Variants in PID1 observed in about 807,000 individuals in gnomAD.
The protein encoded by PID1 is PTB-containing, cubilin and LRP1-interacting protein.
In PID1, 10 loss-of-function variants were observed where a neutral mutation model predicts 19.1. That is an observed-to-expected ratio of 0.52 (90% CI 0.32 to 0.89). PID1 has a LOEUF of 0.89. PID1 is among the 40% of genes least tolerant of loss of function. The pLI is 0.03. For synonymous variants in PID1, 130 were observed against 116.0 expected (o/e 1.12, Z -0.78); for missense variants, 248 against 285.3 (o/e 0.87, Z 0.94).
rs537463986 is a variant in PID1, at chr2:229,231,100, C to T, written c.30+39914G>A. Among the ~76,000 whole-genome samples the T allele has an allele frequency of 1.2e-4, 18 of 152,232 alleles. No homozygotes were observed. The South Asian group carries it at 3.3e-3, about 28-fold the overall frequency. On this transcript the variant is annotated intron_variant, in intron 1 of 2. Coordinates refer to ENST00000392055, the MANE Select transcript of PID1 (RefSeq NM_001100818.2). ...GCCAGTGTCCCAGCTGAAGCCTAACCGCCCAGGGCCAGGAACAGTGGCCAA... is the reference window on the plus strand; with the variant it reads ...GCCAGTGTCCCAGCTGAAGCCTAACTGCCCAGGGCCAGGAACAGTGGCCAA...
intron 2 of PID1, among the ~76,000 whole-genome samples, chr2:229,036,391 AGAGT>A (rs1353481225): frequency 3.3e-5 from 5 of 152,164 alleles, no homozygotes; most frequent in Admixed American, 3.3e-4. Flanking sequence ...ATTTGTTCCC[AGAGT>A]GAGTCTCTGA....
intron 1 of PID1, among the ~76,000 whole-genome samples, chr2:229,238,971 T>C (rs17255845): frequency 0.14 from 21,505 of 152,126 alleles, 1,707 homozygotes; most frequent in South Asian, 0.18. Flanking sequence ...TTAAAATACA[T>C]CACTTAATTT....
chr2:229,201,859 A>G (rs2106241230), intron 1 of PID1, among the ~76,000 whole-genome samples: 1 of 151,840 alleles, frequency 6.6e-6, no homozygotes, highest in South Asian at 2.1e-4. Flanking sequence ...TTTTATTCGC[A>G]TTTTCCTTAT....
intron 2 of PID1, among the ~76,000 whole-genome samples, chr2:229,046,092 C>T (rs944577599): frequency 9.9e-5 from 15 of 152,142 alleles, no homozygotes; most frequent in African/African-American, 3.6e-4. Flanking sequence ...CAGCGTCTCA[C>T]ATATTCCATC....
chr2:229,169,393 CTTTT>C (rs1406938365), intron 1 of PID1, among the ~76,000 whole-genome samples: 1 of 151,978 alleles, frequency 6.6e-6, no homozygotes, highest in Non-Finnish European at 1.5e-5. Flanking sequence ...CTACATTTTT[CTTTT>C]TTAAGTTTTT....
chr2:229,174,637 T>C (rs1474311544), intron 1 of PID1, among the ~76,000 whole-genome samples: 1 of 151,196 alleles, frequency 6.6e-6, no homozygotes, highest in Non-Finnish European at 1.5e-5. Flanking sequence ...ATATACTGTG[T>C]ACCTATTTAT....
At chr2:229,174,044 C>T (rs1690763447) in intron 1 of PID1, among the ~76,000 whole-genome samples, 1 of 152,174 alleles carries the variant, frequency 6.6e-6, no homozygotes. Context: ...TCCCTGACCT[C>T]CATCAGTGTT....
intron 2 of PID1, among the ~76,000 whole-genome samples, chr2:229,047,530 A>G (rs1693908987): frequency 6.6e-6 from 1 of 152,228 alleles, no homozygotes; most frequent in South Asian, 2.1e-4. Flanking sequence ...ATTATAATGA[A>G]TTTATAGGAC....
At chr2:229,042,715 T>C (rs1297996471) in intron 2 of PID1, among the ~76,000 whole-genome samples, 3 of 152,194 alleles carry the variant, frequency 2.0e-5, no homozygotes, top group Admixed American at 1.3e-4. Flanking sequence ...CTTTACAAAA[T>C]AGAACCCAAT....
intron 1 of PID1, among the ~76,000 whole-genome samples, chr2:229,198,313 A>G (rs1472457244): frequency 6.6e-6 from 1 of 152,028 alleles, no homozygotes; most frequent in African/African-American, 2.4e-5. Flanking sequence ...TCTGTTCTCA[A>G]CATCTACCCT....
chr2:229,104,758 T>C (rs1283584976), intron 2 of PID1, among the ~76,000 whole-genome samples: 1 of 152,226 alleles, frequency 6.6e-6, no homozygotes, highest in Non-Finnish European at 1.5e-5. Flanking sequence ...CTGACTTTCT[T>C]ACCTATGAAA....
chr2:229,034,755 GTA>G (rs143619216), intron 2 of PID1, among the ~76,000 whole-genome samples: 73 of 148,226 alleles, frequency 4.9e-4, no homozygotes, highest in Admixed American at 5.4e-4. Flanking sequence ...CCTTTATTGT[GTA>G]TATATATATA....
At chr2:229,214,214 A>T (rs1453731513) in intron 1 of PID1, among the ~76,000 whole-genome samples, 1 of 152,210 alleles carries the variant, frequency 6.6e-6, no homozygotes, top group African/African-American at 2.4e-5. Flanking sequence ...AGGCTGAGAA[A>T]GTAGCTTGCC....
rs150075431 is a variant in PID1 at position 229,123,337 on chromosome 2, G to T, written c.177+32481C>A. On this transcript the variant is annotated intron_variant, in intron 2 of 2. Coordinates refer to ENST00000392055, the MANE Select transcript of PID1 (RefSeq NM_001100818.2). Reference sequence around the variant, plus strand: ...GATGTTTTCAAGGTTCATCTATGTTGTGACCTGGATCCACGCTTCATTTCT... The same window carrying T: ...GATGTTTTCAAGGTTCATCTATGTTTTGACCTGGATCCACGCTTCATTTCT... Among the ~76,000 whole-genome samples the T allele has an allele frequency of 9.8e-5, 15 of 152,304 alleles. No homozygotes were observed. The East Asian group carries it at 2.9e-3, about 29-fold the overall frequency.
At chr2:229,056,860 T>C (rs1214604976) in intron 2 of PID1, among the ~76,000 whole-genome samples, 3 of 152,134 alleles carry the variant, frequency 2.0e-5, no homozygotes, top group Admixed American at 6.5e-5. Flanking sequence ...TGATTTTTCA[T>C]GCCCTGAGGT....
intron 2 of PID1, among the ~76,000 whole-genome samples, chr2:229,072,431 T>C (rs1458154648): frequency 6.6e-6 from 1 of 151,994 alleles, no homozygotes; most frequent in African/African-American, 2.4e-5. Flanking sequence ...TACTAAAAGA[T>C]ACAAAAATTA....
chr2:229,189,123 C>CA (rs1574706657), intron 1 of PID1, among the ~76,000 whole-genome samples: 1 of 152,210 alleles, frequency 6.6e-6, no homozygotes, highest in East Asian at 1.9e-4. Context: ...CCGTCATACA[C>CA]AGCAGCTGGG....
chr2:229,156,689 A>G (rs998297414), intron 1 of PID1, among the ~76,000 whole-genome samples: 1 of 152,070 alleles, frequency 6.6e-6, no homozygotes, highest in Non-Finnish European at 1.5e-5. Flanking sequence ...CCCCACCGTC[A>G]CCAGAGAGAT....
intron 1 of PID1, among the ~76,000 whole-genome samples, chr2:229,199,181 C>A (rs539334969): frequency 6.6e-6 from 1 of 152,140 alleles, no homozygotes; most frequent in African/African-American, 2.4e-5. Flanking sequence ...TATCATCATC[C>A]ATATTTCAAT....
Sources: gnomAD v4.1 joint callset for allele counts (sites outside exome capture counted in the v4.1 genomes callset) on GRCh38, gnomAD v4.1.1 for gene constraint, MANE v1.5 for transcripts, NCBI Gene and HGNC (gene_info 2026-07-23, HGNC 2026-07-21) for gene names.